The following DENND5B variants were observed in gnomAD, a reference collection of about 807,000 sequenced individuals.
The protein encoded by DENND5B is DENN domain-containing protein 5B.
Under a neutral mutation model 140.6 loss-of-function variants are expected in DENND5B, and 34 were observed. The ratio of observed to expected loss-of-function variants is 0.24; its 90% CI spans 0.18 to 0.32. The LOEUF (loss-of-function observed/expected upper bound fraction) is 0.32, where lower values mean the gene tolerates loss of function less well. Among genes scored for constraint, DENND5B ranks in the 10% least tolerant of loss-of-function variants. The pLI, the probability that DENND5B is intolerant of heterozygous loss-of-function variation, is 1.00. For synonymous variants in DENND5B, 551 were observed against 562.1 expected, an observed-to-expected ratio of 0.98 and a Z score of 0.28; for missense variants, 1,142 against 1,560.2, an observed-to-expected ratio of 0.73 and a Z score of 4.52.
In DENND5B at chr12:31,541,357, GA is replaced by G. The variant is rs374316765; in HGVS notation, c.128-45439del. 6.4e-3 allele frequency among the ~76,000 whole-genome samples: 970 copies of G among 151,912 alleles called. 9 individuals carry two copies. Among genetic ancestry groups the G allele is most frequent in the African/African-American group, 0.022 (922 of 41,438 alleles). ...TAAGGAAGCTCATGCAACTCTACAG[GA>G]AAAAAAATCTAATCATCCAATCAAA... On this transcript the variant is annotated intron_variant, in intron 1 of 20. Coordinates refer to ENST00000389082, the MANE Select transcript of DENND5B (RefSeq NM_144973.4).
intron 1 of DENND5B, among the ~76,000 whole-genome samples, chr12:31,586,927 AAC>A (rs762005171): frequency 1.3e-5 from 2 of 152,332 alleles, no homozygotes; most frequent in South Asian, 2.1e-4. Context: ...TAATTTGCCT[AAC>A]ACAGTTTCAT....
chr12:31,587,526 CTTTTTTTTTTTTTTTTTTTTTTT>C (rs71460995), intron 1 of DENND5B, among the ~76,000 whole-genome samples: 1,498 of 75,022 alleles, frequency 0.02, 47 homozygotes, highest in African/African-American at 0.067. Context: ...CCACAAATAC[CTTTTTTTTTTTTTTTTTTTTTTT>C]TTTTTTTTTT....
chr12:31,519,136 A>G (rs1391630673), intron 1 of DENND5B, among the ~76,000 whole-genome samples: 1 of 152,240 alleles, frequency 6.6e-6, no homozygotes, highest in Non-Finnish European at 1.5e-5. Context: ...ACGGAAGACA[A>G]ACGATGCACC....
chr12:31,515,396 T>C (rs931182950), intron 1 of DENND5B, among the ~76,000 whole-genome samples: 1 of 152,244 alleles, frequency 6.6e-6, no homozygotes, highest in Non-Finnish European at 1.5e-5. Flanking sequence ...TGTAACAGTA[T>C]TGGATTCTTT....
intron 1 of DENND5B, among the ~76,000 whole-genome samples, chr12:31,554,294 A>G (rs1949193908): frequency 1.3e-5 from 2 of 152,122 alleles, no homozygotes; most frequent in Admixed American, 1.3e-4. Context: ...ACTTGTCTGT[A>G]AAGTATTTTA....
intron 3 of DENND5B, among the ~76,000 whole-genome samples, chr12:31,472,041 G>A (rs957384374): frequency 6.6e-6 from 1 of 152,142 alleles, no homozygotes; most frequent in Non-Finnish European, 1.5e-5. Context: ...TTCACCCGCT[G>A]AATACATCCG....
chr12:31,537,914 G>A (rs1273820615), intron 1 of DENND5B, among the ~76,000 whole-genome samples: 1 of 152,060 alleles, frequency 6.6e-6, no homozygotes, highest in Non-Finnish European at 1.5e-5. Context: ...ATGATAAAGG[G>A]GGCAATTCAG....
At chr12:31,443,067 C>A (rs57532053) in intron 6 of DENND5B, 142 bp from the exon 7 acceptor site, 3 of 677,746 alleles carry the variant, frequency 4.4e-6, no homozygotes, top group Non-Finnish European at 7.0e-6. Context: ...TGTGTGTGCA[C>A]GCACGCACGC....
In DENND5B at chr12:31,516,782, A is replaced by G. The variant is rs928200270; in HGVS notation, c.128-20863T>C. On this transcript the variant is annotated intron_variant, in intron 1 of 20. Transcript: ENST00000389082. ...TTTATTTTCCTGTCTGTAATTTTAA[A>G]AAATTTCAGGCTGGGCCCTGTGGCT... 2.6e-5 allele frequency among the ~76,000 whole-genome samples: 4 copies of G among 152,062 alleles called. No homozygotes were observed. In the East Asian group the frequency reaches 7.7e-4, roughly 29 times the overall value.
At chr12:31,512,764 A>T (rs1386741479) in intron 1 of DENND5B, among the ~76,000 whole-genome samples, 1 of 152,160 alleles carries the variant, frequency 6.6e-6, no homozygotes, top group Non-Finnish European at 1.5e-5. Context: ...GAAACTTTTT[A>T]AAAAGTAAAT....
chr12:31,551,166 G>C (rs2139244443), intron 1 of DENND5B, among the ~76,000 whole-genome samples: 1 of 152,130 alleles, frequency 6.6e-6, no homozygotes, highest in African/African-American at 2.4e-5. Context: ...GTATTGCCTA[G>C]GTTTTCTTCT....
intron 20 of DENND5B, among the ~76,000 whole-genome samples, chr12:31,388,261 A>G (rs114503447): frequency 0.021 from 3,068 of 145,474 alleles, 115 homozygotes; most frequent in African/African-American, 0.074. Context: ...CTTATATAAC[A>G]TAACAGGGTG....
rs536980609 is a variant in DENND5B at position 31,468,088 on chromosome 12, TA to T, written c.905-7708del. 2.6e-5 allele frequency among the ~76,000 whole-genome samples: 4 copies of T among 151,884 alleles called. No homozygotes were observed. In the East Asian group the frequency reaches 5.8e-4, roughly 22 times the overall value. ...GGGCAACATACAGAGACCCCACCTC[TA>T]AAAAAAATTTAAAAATTGGCCAGGT... On this transcript the variant is annotated intron_variant, in intron 3 of 20. Coordinates refer to ENST00000389082, the MANE Select transcript of DENND5B (RefSeq NM_144973.4).
At chr12:31,588,276 T>A (rs1191475136) in intron 1 of DENND5B, among the ~76,000 whole-genome samples, 1 of 152,138 alleles carries the variant, frequency 6.6e-6, no homozygotes, top group East Asian at 1.9e-4. Flanking sequence ...AGGCCTTCCC[T>A]AACCATCTTA....
At chr12:31,478,404 T>G (rs1945919822) in intron 3 of DENND5B, among the ~76,000 whole-genome samples, 1 of 152,144 alleles carries the variant, frequency 6.6e-6, no homozygotes, top group Non-Finnish European at 1.5e-5. Flanking sequence ...TAAATACAAG[T>G]TAGCAAAATG....
intron 3 of DENND5B, 102 bp from the exon 4 acceptor site, chr12:31,460,483 A>G: frequency 9.4e-7 from 1 of 1,064,980 alleles, no homozygotes; most frequent in Non-Finnish European, 1.3e-6. Context: ...TTTCTGCGTT[A>G]AAAGTAAATA....
chr12:31,460,417 C>A, intron 3 of DENND5B, 36 bp from the exon 4 acceptor site: 1 of 1,563,568 alleles, frequency 6.4e-7, no homozygotes, highest in Non-Finnish European at 8.7e-7. Context: ...GGGAAGAGTC[C>A]AAGTAAAAAC....
intron 2 of DENND5B, 135 bp downstream of exon 2, chr12:31,495,675 C>T (rs1474089381): frequency 1.3e-6 from 1 of 773,154 alleles, no homozygotes; most frequent in African/African-American, 1.8e-5. Context: ...CACACCCGGC[C>T]TCACATTTCT....
At chr12:31,537,698 AAAC>A (rs557070021) in intron 1 of DENND5B, among the ~76,000 whole-genome samples, 120 of 152,224 alleles carry the variant, frequency 7.9e-4, no homozygotes, top group African/African-American at 2.4e-3. Context: ...AAAAAACAAA[AAAC>A]AAAAAAACAA....
Sources: gnomAD v4.1 joint callset for allele counts (sites outside exome capture counted in the v4.1 genomes callset) on GRCh38, gnomAD v4.1.1 for gene constraint, MANE v1.5 for transcripts, NCBI Gene and HGNC (gene_info 2026-07-23, HGNC 2026-07-21) for gene names.